DTWD1: variants seen among roughly 807,000 people sequenced by gnomAD.
The protein encoded by DTWD1 is DTW motif tRNA-uridine aminocarboxypropyltransferase 1, also known as tRNA-uridine aminocarboxypropyltransferase 1.
DTWD1 carries 27 observed loss-of-function variants against 30.2 expected under a neutral mutation model. That is an observed-to-expected ratio of 0.90 (90% confidence interval 0.66 to 1.23). The LOEUF is 1.23. DTWD1 is among the 50% of genes most tolerant of loss of function. The pLI is 0.00. For synonymous variants in DTWD1, 99 were observed against 113.1 expected, an observed-to-expected ratio of 0.88 and a Z score of 0.79; for missense variants, 342 against 348.8, an observed-to-expected ratio of 0.98 and a Z score of 0.15.
At chr15:49,633,967 GTGTC>G (rs2078966384) in intron 3 of DTWD1, among the ~76,000 whole-genome samples, 1 of 152,102 alleles carries the variant, frequency 6.6e-6, no homozygotes, top group Non-Finnish European at 1.5e-5. Context: ...GATATTGTAA[GTGTC>G]TGTGTTTAGG....
intron 1 of DTWD1, among the ~76,000 whole-genome samples, chr15:49,622,090 G>A (rs1469887549): frequency 6.6e-6 from 1 of 152,204 alleles, no homozygotes; most frequent in Non-Finnish European, 1.5e-5. Flanking sequence ...TAGTTTGTCA[G>A]ATACTTCAGT....
intron 3 of DTWD1, among the ~76,000 whole-genome samples, chr15:49,633,091 A>G (rs2078952949): frequency 7.8e-6 from 1 of 127,996 alleles, no homozygotes; most frequent in African/African-American, 2.6e-5. Context: ...GGTTGAGTTT[A>G]TATAAAAAAT....
At chr15:49,633,064 T>TAG (rs2078951198) in intron 3 of DTWD1, among the ~76,000 whole-genome samples, 1 of 146,616 alleles carries the variant, frequency 6.8e-6, no homozygotes, top group African/African-American at 2.5e-5. Context: ...TATATATATA[T>TAG]ATATATGTAT....
At chr15:49,628,972 G>A (rs1018055417) in intron 2 of DTWD1, among the ~76,000 whole-genome samples, 1 of 152,008 alleles carries the variant, frequency 6.6e-6, no homozygotes, top group Non-Finnish European at 1.5e-5. Flanking sequence ...TGCTCCTAAT[G>A]CTATCCCTCC....
intron 4 of DTWD1, among the ~76,000 whole-genome samples, chr15:49,636,529 CTT>C (rs2079005542): frequency 6.6e-6 from 1 of 152,050 alleles, no homozygotes; most frequent in Non-Finnish European, 1.5e-5. Flanking sequence ...TCTTTAGTCT[CTT>C]TTAATCTAGA....
At chr15:49,621,485 G>A (rs2078707282) in intron 1 of DTWD1, among the ~76,000 whole-genome samples, 1 of 152,052 alleles carries the variant, frequency 6.6e-6, no homozygotes, top group African/African-American at 2.4e-5. Context: ...GGTTTGTGGG[G>A]GTTTGGTTAT....
chr15:49,623,007 G>A (rs1413627238), intron 1 of DTWD1, among the ~76,000 whole-genome samples: 1 of 152,210 alleles, frequency 6.6e-6, no homozygotes, highest in African/African-American at 2.4e-5. Context: ...GGTATCTCTA[G>A]GAGGAATGCA....
chr15:49,635,900 C>T (rs1190585786), intron 4 of DTWD1, among the ~76,000 whole-genome samples: 2 of 152,046 alleles, frequency 1.3e-5, no homozygotes, highest in Non-Finnish European at 2.9e-5. Context: ...GCTGTGAGAC[C>T]ATCACTACAA....
rs1213777276 is a variant in DTWD1 at position 49,654,520 on chromosome 15, C to T, written c.*10942C>T. 1 of 151,962 alleles carries T rather than the reference C, an allele frequency of 6.6e-6. No individual in the cohort carries two copies. Among genetic ancestry groups the T allele is most frequent in the Non-Finnish European group, 1.5e-5 (1 of 67,976 alleles). The allele number at this position is 151,962 out of a possible 1,614,324, so 9.4% of individuals were successfully genotyped here. A position where few individuals can be genotyped will look rare whatever the true frequency, so the allele number is the denominator to read the frequency against. On this transcript the variant is annotated 3_prime_UTR_variant, in exon 5 of 5. Coordinates refer to ENST00000403028, the MANE Select transcript of DTWD1 (RefSeq NM_001144955.2). ...TTCCAGGATATCCTTCTAGAGATAT[C>T]CATATCTCTAGGGACATGGTGAGTC...
intron 3 of DTWD1, 145 bp from the exon 4 acceptor site, chr15:49,634,391 A>T: frequency 2.7e-6 from 2 of 728,186 alleles, no homozygotes; most frequent in East Asian, 6.8e-5. Context: ...TACCATACAT[A>T]TTAAAGAACC....
chr15:49,647,946 A>G lies in DTWD1; in HGVS notation c.*4368A>G, dbSNP rs1032315823. Reference sequence around the variant, plus strand: ...AATAAAAATTAAATATAAGAGTTGAAGATAAAATATAGCATAAGAATAGAA... The same window carrying G: ...AATAAAAATTAAATATAAGAGTTGAGGATAAAATATAGCATAAGAATAGAA... On this transcript the variant is annotated 3_prime_UTR_variant, in exon 5 of 5. Transcript: ENST00000403028. 4.6e-5 allele frequency: 7 copies of G among 152,178 alleles called. No individual in the cohort carries two copies. The highest frequency in any genetic ancestry group is 1.4e-4 in the African/African-American group (6 of 41,470). The allele number at this position is 152,178 out of a possible 1,614,324, so 9.4% of individuals were successfully genotyped here. A position where few individuals can be genotyped will look rare whatever the true frequency, so the allele number is the denominator to read the frequency against.
rs1312155925 is a variant in DTWD1, at chr15:49,627,220, G to T, written c.264+1789G>T. Among the ~76,000 whole-genome samples, 3 of 152,010 alleles carry T rather than the reference G, an allele frequency of 2.0e-5. No homozygotes were observed. The East Asian group carries it at 5.8e-4, about 29-fold the overall frequency. On this transcript the variant is annotated intron_variant, in intron 2 of 4. Coordinates refer to ENST00000403028, the MANE Select transcript of DTWD1 (RefSeq NM_001144955.2). ...GTGTTTGATCATCTCTCAATGGTCT[G>T]GACTGTGCAGAGTTTTCTAAAGTGT...
At position 49,645,360 on chromosome 15, in the gene DTWD1, C is replaced by T. The variant is rs141827221; in HGVS notation, c.*1782C>T. On this transcript the variant is annotated 3_prime_UTR_variant, in exon 5 of 5. Transcript: ENST00000403028. ...CTGATTTGGTTTGGTTCAGTAAGGT[C>T]ACCATTATATTATGCTATTCATAAA... 2.0e-5 allele frequency: 3 copies of T among 152,182 alleles called. No individual in the cohort carries two copies. The highest frequency in any genetic ancestry group is 7.2e-5 in the African/African-American group (3 of 41,510). The allele number at this position is 152,182 out of a possible 1,614,324, so 9.4% of individuals were successfully genotyped here.
Position 49,632,177 on chromosome 15 carries a change from A to G in DTWD1, c.283A>G (p.Ile95Val), listed in dbSNP as rs768344790. The G allele has an allele frequency of 1.5e-5, 23 of 1,574,802 alleles. No homozygotes were observed. Among genetic ancestry groups the G allele is most frequent in the Non-Finnish European group, 1.9e-5 (22 of 1,168,708 alleles). ...PLVKLPLKID[I>V]IKHPNETDGK... Reference sequence around the variant, plus strand: ...CCTTTAGCTTCCATTGAAGATTGACATCATTAAACATCCAAATGAAACAGA... The same window carrying G: ...CCTTTAGCTTCCATTGAAGATTGACGTCATTAAACATCCAAATGAAACAGA... Residue 95 changes from isoleucine (I) to valine (V), a missense_variant, in exon 3 of 5, where the codon ATC (isoleucine) becomes GTC (valine). Ile to Val is a conservative substitution (Grantham distance 29). Transcript: ENST00000403028.
chr15:49,643,418 A>T lies in DTWD1; in HGVS notation c.755A>T (p.Glu252Val). The T allele has an allele frequency of 6.2e-7, 1 of 1,602,958 alleles. No homozygotes were observed. The highest frequency in any genetic ancestry group is 8.5e-7 in the Non-Finnish European group (1 of 1,176,202). The change falls in exon 5 of 5, where the codon GAA becomes GTA. Residue 252 changes from glutamate to valine, a missense_variant. Physicochemically the swap from Glu to Val is moderately radical, Grantham distance 121. Transcript: ENST00000403028. ...GKPDTFLSTI[E>V]AIYYFLVDYH... ...CCAGATACTTTCCTTTCTACAATTG[A>T]AGCCATTTACTACTTTCTGGTAGAC...
chr15:49,627,320 C>T (rs1379548578), intron 2 of DTWD1, among the ~76,000 whole-genome samples: 2 of 152,090 alleles, frequency 1.3e-5, no homozygotes, highest in African/African-American at 4.8e-5. Flanking sequence ...TACAAAATGT[C>T]CTTTCCAATT....
rs1169304183 is a variant in DTWD1 at position 49,654,872 on chromosome 15, A to T, written c.*11294A>T. 1 of 152,076 alleles carries T rather than the reference A, an allele frequency of 6.6e-6. No individual in the cohort carries two copies. The highest frequency in any genetic ancestry group is 1.5e-5 in the Non-Finnish European group (1 of 67,992). 9.4% of individuals were successfully genotyped at this position (152,076 alleles called of 1,614,324 possible). ...CTGGAGACTGAAAATATGGAAATCC[A>T]AGATCAGAGTTTCAGCATGGTTAGG... On this transcript the variant is annotated 3_prime_UTR_variant, in exon 5 of 5. Coordinates refer to ENST00000403028, the MANE Select transcript of DTWD1 (RefSeq NM_001144955.2).
At position 49,650,651 on chromosome 15, in the gene DTWD1, C is replaced by T. The variant is rs547950207; in HGVS notation, c.*7073C>T. The T allele has an allele frequency of 1.9e-4, 29 of 152,312 alleles. No homozygotes were observed. The highest frequency in any genetic ancestry group is 7.0e-4 in the African/African-American group (29 of 41,588). The allele number at this position is 152,312 out of a possible 1,614,324, so 9.4% of individuals were successfully genotyped here. A position where few individuals can be genotyped will look rare whatever the true frequency, so the allele number is the denominator to read the frequency against. On this transcript the variant is annotated 3_prime_UTR_variant, in exon 5 of 5. Transcript: ENST00000403028. ...TCATCTGCAACAGCTATAGAAAAAG[C>T]TTCACCTGAGGTTACCCTCGTCTTA... is the stretch of plus-strand genomic sequence containing the variant.
In DTWD1 at chr15:49,632,201, G is replaced by A. The variant is rs771097111; in HGVS notation, c.307G>A (p.Asp103Asn). 6.3e-7 allele frequency: 1 copy of A among 1,592,034 alleles called. No individual in the cohort carries two copies. Among genetic ancestry groups the A allele is most frequent in the South Asian group, 1.2e-5 (1 of 85,146 alleles). Residue 103 changes from aspartate to asparagine, a missense_variant, in exon 3 of 5, where the codon GAT becomes AAT. Transcript: ENST00000403028. Reference protein sequence around the residue: ...IDIIKHPNETDGKSTAIHAKL... With the variant: ...IDIIKHPNETNGKSTAIHAKL... ...CATCATTAAACATCCAAATGAAACAGATGGCAAAAGTACTGCTATACATGC... is the reference window on the plus strand; with the variant it reads ...CATCATTAAACATCCAAATGAAACAAATGGCAAAAGTACTGCTATACATGC...
Sources: gnomAD v4.1 joint callset for allele counts (sites outside exome capture counted in the v4.1 genomes callset) on GRCh38, gnomAD v4.1.1 for gene constraint, MANE v1.5 for transcripts, NCBI Gene and HGNC (gene_info 2026-07-23, HGNC 2026-07-21) for gene names.